The following SRRM4 variants were observed in gnomAD, a reference collection of about 807,000 sequenced individuals.
The protein encoded by SRRM4 is serine/arginine repetitive matrix 4, also known as serine/arginine repetitive matrix protein 4.
Under a neutral mutation model 68.9 loss-of-function variants are expected in SRRM4, and 33 were observed. That is an observed-to-expected ratio of 0.48 (90% confidence interval 0.36 to 0.64). The LOEUF is 0.64. Ranked by LOEUF, SRRM4 falls within the 30% of genes least tolerant of loss-of-function variation. The pLI, the probability that SRRM4 is intolerant of heterozygous loss-of-function variation, is 0.00. For missense variants in SRRM4, 817 were observed against 827.1 expected, an observed-to-expected ratio of 0.99 and a Z score of 0.15; for synonymous variants, 318 against 318.8, an observed-to-expected ratio of 1.00 and a Z score of 0.03.
At chr12:119,140,609 A>C (rs1212746477) in intron 8 of SRRM4, among the ~76,000 whole-genome samples, 1 of 152,246 alleles carries the variant, frequency 6.6e-6, no homozygotes, top group African/African-American at 2.4e-5. Context: ...TGCTGCATGC[A>C]AATGACTGAA....
rs771660721 is a variant in SRRM4, at chr12:118,981,932, G to A, written c.50G>A (p.Arg17Gln). 3.1e-6 allele frequency: 5 copies of A among 1,613,342 alleles called. No individual in the cohort carries two copies. The highest frequency in any genetic ancestry group is 3.4e-6 in the Non-Finnish European group (4 of 1,179,684). Residue 17 changes from arginine (R) to glutamine (Q), a missense_variant, in exon 1 of 13, where the codon CGA becomes CAA. Arg to Gln is a conservative substitution (Grantham distance 43). Transcript: ENST00000267260. ...GEKQLFEKFWRGTFKAVATPR... is the reference protein window; with the variant it reads ...GEKQLFEKFWQGTFKAVATPR... ...AAGCAGCTTTTTGAGAAGTTCTGGCGAGGAACCTTCAAAGCGGTGGCCACC... is the reference window on the plus strand; with the variant it reads ...AAGCAGCTTTTTGAGAAGTTCTGGCAAGGAACCTTCAAAGCGGTGGCCACC...
At chr12:119,116,282 T>C (rs1954179210) in intron 3 of SRRM4, among the ~76,000 whole-genome samples, 1 of 152,212 alleles carries the variant, frequency 6.6e-6, no homozygotes, top group South Asian at 2.1e-4. Context: ...TGAGCCTCAG[T>C]CTTGAGTCAT....
chr12:119,015,155 T>C (rs935596272), intron 1 of SRRM4, among the ~76,000 whole-genome samples: 3 of 152,162 alleles, frequency 2.0e-5, no homozygotes, highest in African/African-American at 7.2e-5. Flanking sequence ...CGCAGGTAGA[T>C]ATGGAGACAG....
intron 8 of SRRM4, among the ~76,000 whole-genome samples, chr12:119,139,176 G>T (rs1022234400): frequency 6.6e-6 from 1 of 152,206 alleles, no homozygotes; most frequent in Non-Finnish European, 1.5e-5. Context: ...TCGGAGGGGG[G>T]TGACTGTTTG....
At chr12:119,031,647 G>GA (rs1953590606) in intron 1 of SRRM4, among the ~76,000 whole-genome samples, 2 of 152,084 alleles carry the variant, frequency 1.3e-5, no homozygotes, top group African/African-American at 4.8e-5. Context: ...AGGAGTACAT[G>GA]AAAAAACCTA....
chr12:119,000,296 G>A (rs532774818), intron 1 of SRRM4, among the ~76,000 whole-genome samples: 1 of 152,334 alleles, frequency 6.6e-6, no homozygotes, highest in African/African-American at 2.4e-5. Context: ...CGTTTTACAG[G>A]AGTGAGCAAA....
chr12:119,022,695 A>G (rs1953523722), intron 1 of SRRM4, among the ~76,000 whole-genome samples: 1 of 152,178 alleles, frequency 6.6e-6, no homozygotes, highest in African/African-American at 2.4e-5. Context: ...ATATATCTCA[A>G]ACTGAGCATG....
At chr12:119,080,147 C>T (rs1416764888) in intron 1 of SRRM4, among the ~76,000 whole-genome samples, 2 of 152,028 alleles carry the variant, frequency 1.3e-5, no homozygotes, top group Admixed American at 1.3e-4. Flanking sequence ...GTGTCGGGAT[C>T]TCTGGGACCT....
chr12:119,026,163 T>C (rs1200720447), intron 1 of SRRM4, among the ~76,000 whole-genome samples: 1 of 152,006 alleles, frequency 6.6e-6, no homozygotes, highest in Non-Finnish European at 1.5e-5. Context: ...CAGAAGATTT[T>C]AAGCAATTTA....
chr12:119,091,845 C>T (rs143521864), intron 1 of SRRM4, among the ~76,000 whole-genome samples: 1 of 152,106 alleles, frequency 6.6e-6, no homozygotes, highest in Non-Finnish European at 1.5e-5. Context: ...CCTTTCTCAG[C>T]CACTTCCACC....
chr12:119,021,290 T>C (rs1361794655), intron 1 of SRRM4, among the ~76,000 whole-genome samples: 1 of 152,238 alleles, frequency 6.6e-6, no homozygotes, highest in African/African-American at 2.4e-5. Context: ...AGTGATCCTA[T>C]GGTCATAGTG....
At chr12:119,043,431 G>A (rs1483121847) in intron 1 of SRRM4, among the ~76,000 whole-genome samples, 1 of 152,152 alleles carries the variant, frequency 6.6e-6, no homozygotes, top group Non-Finnish European at 1.5e-5. Context: ...GATAGCTAAT[G>A]CATGTGGGGC....
In SRRM4 at chr12:119,074,728, C is replaced by CA. The variant is rs111421499; in HGVS notation, c.132-27507dup. 9.7e-3 allele frequency among the ~76,000 whole-genome samples: 1,469 copies of CA among 152,194 alleles called. 22 individuals are homozygous for CA. Among genetic ancestry groups the CA allele is most frequent in the African/African-American group, 0.033 (1,366 of 41,518 alleles). On this transcript the variant is annotated intron_variant, in intron 1 of 12. Transcript: ENST00000267260. ...GCCTACACAATGACATTTTTTAAAC[C>CA]ACCACACCCCTGACCCTGTGATTGT...
chr12:119,130,213 T>TGG (rs1954287079), intron 7 of SRRM4, among the ~76,000 whole-genome samples: 1 of 140,424 alleles, frequency 7.1e-6, no homozygotes, highest in African/African-American at 2.5e-5. Flanking sequence ...CTTAGACAGA[T>TGG]AGATGGATGG....
chr12:119,131,375 AC>A (rs1954296436), intron 8 of SRRM4, among the ~76,000 whole-genome samples: 1 of 152,202 alleles, frequency 6.6e-6, no homozygotes, highest in Non-Finnish European at 1.5e-5. Flanking sequence ...ATGTAGCCAC[AC>A]AAGGTCTTGG....
Position 119,160,395 on chromosome 12 carries a change from G to A in SRRM4, c.*3597G>A, listed in dbSNP as rs1024248393. The A allele has an allele frequency of 2.0e-5, 3 of 151,456 alleles. No homozygotes were observed. The highest frequency in any genetic ancestry group is 7.3e-5 in the African/African-American group (3 of 41,146). The allele number at this position is 151,456 out of a possible 1,614,324, so 9.4% of individuals were successfully genotyped here. ...AAACAATGTGCTTGTTGAGGCACTG[G>A]TAACCCTGATTAACCAGAACCTCCC... is the stretch of plus-strand genomic sequence containing the variant. On this transcript the variant is annotated 3_prime_UTR_variant, in exon 13 of 13. Transcript: ENST00000267260.
chr12:119,029,464 A>G (rs1349546925), intron 1 of SRRM4, among the ~76,000 whole-genome samples: 1 of 152,208 alleles, frequency 6.6e-6, no homozygotes, highest in Non-Finnish European at 1.5e-5. Flanking sequence ...CATGTCATCC[A>G]TTCAACAACC....
intron 1 of SRRM4, among the ~76,000 whole-genome samples, chr12:119,036,309 CTT>C (rs1411128316): frequency 1.3e-5 from 2 of 152,160 alleles, no homozygotes; most frequent in African/African-American, 4.8e-5. Flanking sequence ...ATCTCAATGT[CTT>C]TGATAGCCCG....
intron 1 of SRRM4, among the ~76,000 whole-genome samples, chr12:119,025,021 A>T (rs777338998): frequency 3.7e-4 from 56 of 152,280 alleles, no homozygotes; most frequent in Non-Finnish European, 7.4e-4. Flanking sequence ...CTCAAGTCAG[A>T]AATTGCAGCA....
Sources: allele counts gnomAD v4.1 joint callset (sites outside exome capture counted in the v4.1 genomes callset), GRCh38; gene constraint gnomAD v4.1.1; transcripts MANE v1.5; gene names NCBI Gene and HGNC (gene_info 2026-07-23, HGNC 2026-07-21).